Variants in EXOC6B observed in about 807,000 individuals in gnomAD.
EXOC6B encodes the protein exocyst complex component 6B.
A neutral mutation model predicts 113.5 loss-of-function variants in EXOC6B; 54 were observed. The ratio of observed to expected loss-of-function variants is 0.48; its 90% CI spans 0.38 to 0.60. The LOEUF is 0.60. EXOC6B is among the 20% of genes least tolerant of loss of function. EXOC6B has a pLI of 0.00. For missense variants in EXOC6B, 797 were observed against 977.5 expected (o/e 0.82, Z 2.46); for synonymous variants, 357 against 339.0 (o/e 1.05, Z -0.58).
chr2:72,583,840 C>T (rs1166948139), intron 6 of EXOC6B, among the ~76,000 whole-genome samples: 5 of 152,088 alleles, frequency 3.3e-5, no homozygotes, highest in Non-Finnish European at 7.3e-5. Flanking sequence ...CATGCCTCAG[C>T]CTCCTGAGTA....
intron 1 of EXOC6B, among the ~76,000 whole-genome samples, chr2:72,775,073 C>T (rs568334956): frequency 6.6e-6 from 1 of 152,220 alleles, no homozygotes; most frequent in South Asian, 2.1e-4. Context: ...GCTTCCATGT[C>T]CCCTTCAGAC....
At chr2:72,801,621 T>G (rs551635553) in intron 1 of EXOC6B, among the ~76,000 whole-genome samples, 4 of 152,128 alleles carry the variant, frequency 2.6e-5, no homozygotes, top group Non-Finnish European at 5.9e-5. Context: ...TTCTGTAACA[T>G]GAAAATAAAG....
intron 19 of EXOC6B, among the ~76,000 whole-genome samples, chr2:72,360,896 A>T (rs1690268403): frequency 7.2e-6 from 1 of 139,766 alleles, no homozygotes; most frequent in South Asian, 2.2e-4. Context: ...ACACCATCAC[A>T]CTCCAGCCTG....
intron 6 of EXOC6B, among the ~76,000 whole-genome samples, chr2:72,615,768 G>C (rs1385713869): frequency 6.6e-6 from 1 of 151,982 alleles, no homozygotes; most frequent in East Asian, 1.9e-4. Context: ...TAAAAAATCA[G>C]TTAACTGTAA....
chr2:72,631,802 C>T (rs1672488382), intron 6 of EXOC6B, among the ~76,000 whole-genome samples: 1 of 152,070 alleles, frequency 6.6e-6, no homozygotes. Context: ...CCACGCCTGG[C>T]CCACCCCATC....
At chr2:72,707,489 C>T (rs993154676) in intron 6 of EXOC6B, among the ~76,000 whole-genome samples, 7 of 151,652 alleles carry the variant, frequency 4.6e-5, no homozygotes, top group Non-Finnish European at 1.0e-4. Flanking sequence ...TCTCAGCTCA[C>T]TGCAACCTCC....
chr2:72,776,364 C>T (rs1683701419), intron 1 of EXOC6B, among the ~76,000 whole-genome samples: 1 of 152,158 alleles, frequency 6.6e-6, no homozygotes, highest in Non-Finnish European at 1.5e-5. Context: ...CGCCTATAAT[C>T]CCAGCACTTT....
At chr2:72,638,143 C>T (rs1672977476) in intron 6 of EXOC6B, among the ~76,000 whole-genome samples, 1 of 151,962 alleles carries the variant, frequency 6.6e-6, no homozygotes, top group African/African-American at 2.4e-5. Flanking sequence ...AAGGTCCAAA[C>T]AGATAAAATC....
chr2:72,530,709 C>A (rs918216738), intron 8 of EXOC6B, among the ~76,000 whole-genome samples: 5 of 152,032 alleles, frequency 3.3e-5, no homozygotes, highest in African/African-American at 1.2e-4. Flanking sequence ...TCCATTTACC[C>A]TTTCCGTTTT....
intron 16 of EXOC6B, among the ~76,000 whole-genome samples, chr2:72,483,378 A>G (rs1235811902): frequency 6.6e-6 from 1 of 152,176 alleles, no homozygotes; most frequent in Non-Finnish European, 1.5e-5. Context: ...AATCCTAATA[A>G]TAAGGAGGAA....
intron 20 of EXOC6B, among the ~76,000 whole-genome samples, chr2:72,258,361 CTTTTTTT>C (rs967346322): frequency 2.4e-4 from 30 of 124,838 alleles, no homozygotes; most frequent in Non-Finnish European, 3.2e-4. Context: ...TTATCTTTTT[CTTTTTTT>C]TTTTTTTTTT....
chr2:72,617,554 G>A (rs1573495382), intron 6 of EXOC6B, among the ~76,000 whole-genome samples: 1 of 98,986 alleles, frequency 1.0e-5, no homozygotes, highest in Admixed American at 1.7e-4. Flanking sequence ...CAGGAGTCTT[G>A]CTCTGTCACC....
rs543296847 is a variant in EXOC6B, at chr2:72,540,679, A to G, written c.915+18774T>C. Reference sequence around the variant, plus strand: ...TTCCCAAAGGTAGAGGATTCACTCTAGAACAGGGATAAGCAAACCATGGCC... The same window carrying G: ...TTCCCAAAGGTAGAGGATTCACTCTGGAACAGGGATAAGCAAACCATGGCC... On this transcript the variant is annotated intron_variant, in intron 8 of 21. Coordinates refer to ENST00000272427, the MANE Select transcript of EXOC6B (RefSeq NM_015189.3). Among the ~76,000 whole-genome samples the G allele has an allele frequency of 2.0e-5, 3 of 152,334 alleles. No homozygotes were observed. The South Asian group carries it at 6.2e-4, about 32-fold the overall frequency.
chr2:72,673,300 A>G (rs1183095740), intron 6 of EXOC6B, among the ~76,000 whole-genome samples: 1 of 152,142 alleles, frequency 6.6e-6, no homozygotes, highest in Non-Finnish European at 1.5e-5. Context: ...TTCAGATTCA[A>G]CTGGTCTAGA....
At chr2:72,626,773 C>A (rs1326562018) in intron 6 of EXOC6B, among the ~76,000 whole-genome samples, 2 of 151,906 alleles carry the variant, frequency 1.3e-5, no homozygotes, top group African/African-American at 4.8e-5. Context: ...GTTTTCCCTC[C>A]CCACTATGCC....
intron 20 of EXOC6B, among the ~76,000 whole-genome samples, chr2:72,202,330 C>A (rs1679540527): frequency 2.0e-5 from 3 of 152,136 alleles, no homozygotes; most frequent in African/African-American, 7.2e-5. Flanking sequence ...TTTTAAAAAG[C>A]AACTAAAAAC....
intron 2 of EXOC6B, among the ~76,000 whole-genome samples, chr2:72,737,287 T>C (rs954394631): frequency 7.2e-5 from 11 of 151,914 alleles, no homozygotes; most frequent in African/African-American, 2.7e-4. Context: ...GACATTGCAG[T>C]GAGCCAAGAT....
chr2:72,552,289 G>A (rs1183708928), intron 8 of EXOC6B, among the ~76,000 whole-genome samples: 3 of 152,036 alleles, frequency 2.0e-5, no homozygotes, highest in Non-Finnish European at 4.4e-5. Context: ...TAGACTATTG[G>A]CTTAATTACA....
chr2:72,180,127 C>T (rs990440254), intron 21 of EXOC6B, among the ~76,000 whole-genome samples: 4 of 152,306 alleles, frequency 2.6e-5, no homozygotes, highest in South Asian at 2.1e-4. Context: ...GCCATCCTCT[C>T]ACTCCATAAA....
Sources: allele counts gnomAD v4.1 joint callset (sites outside exome capture counted in the v4.1 genomes callset), GRCh38; gene constraint gnomAD v4.1.1; transcripts MANE v1.5; gene names NCBI Gene and HGNC (gene_info 2026-07-23, HGNC 2026-07-21).